The following JAKMIP3 variants were observed in gnomAD, a reference collection of about 807,000 sequenced individuals.
JAKMIP3 encodes Janus kinase and microtubule interacting protein 3.
JAKMIP3 carries 58 observed loss-of-function variants against 118.5 expected under a neutral mutation model. That is an observed-to-expected ratio of 0.49 (90% CI 0.40 to 0.61). JAKMIP3 has a LOEUF of 0.61. JAKMIP3 is among the 20% of genes least tolerant of loss of function. The pLI is 0.00. For missense variants in JAKMIP3, 950 were observed against 1,109.0 expected (o/e 0.86, Z 2.04); for synonymous variants, 486 against 451.2 (o/e 1.08, Z -0.98).
In JAKMIP3 at chr10:132,117,382, C is replaced by T. The variant is rs751886326; in HGVS notation, c.441C>T (p.Phe147=). ...SEAKEEAKKG[F]EVEKVKMQQE... is the part of the protein sequence containing the mutation. ...CCAAGGAGGAGGCCAAGAAGGGGTT[C>T]GAGGTGGAGAAGGTCAAGATGCAGC... The change falls in exon 3 of 24, where the codon TTC becomes TTT. Residue 147 remains phenylalanine (F), a synonymous_variant. Coordinates refer to ENST00000684848, the MANE Select transcript of JAKMIP3 (RefSeq NM_001323087.2). This position sits in a 1 kb window ranked among gnomAD's most constrained non-coding sequence, Gnocchi z 8.6. 15 of 1,613,796 alleles carry T rather than the reference C, an allele frequency of 9.3e-6. No individual in the cohort carries two copies. Among genetic ancestry groups the T allele is most frequent in the South Asian group, 4.4e-5 (4 of 91,080 alleles).
At position 132,135,202 on chromosome 10, in the gene JAKMIP3, C is replaced by A. The variant is rs530635793; in HGVS notation, c.969+42C>A. 1.3e-5 allele frequency: 20 copies of A among 1,564,606 alleles called. 1 individual carries two copies. In the Admixed American group the frequency reaches 2.1e-4, roughly 17 times the overall value. On this transcript the variant is annotated intron_variant, in intron 5 of 23. Transcript: ENST00000684848. ...GCTTCTGGCTCCTGGGGGTTTGTGA[C>A]TGCGGAGCTGGGGACCTGGGGGGCA...
intron 8 of JAKMIP3, 55 bp downstream of exon 8, chr10:132,137,344 G>A (rs374042659): frequency 2.3e-5 from 37 of 1,603,874 alleles, no homozygotes; most frequent in South Asian, 7.7e-5. Context: ...GCAGTTGCCC[G>A]TGGGACCCAT....
rs371410240 is a variant in JAKMIP3, at chr10:132,153,017, C to G, written c.2067C>G (p.Ala689=). The change falls in exon 17 of 24, where the codon GCC becomes GCG. Residue 689 remains alanine, a synonymous_variant. Coordinates refer to ENST00000684848, the MANE Select transcript of JAKMIP3 (RefSeq NM_001323087.2). ...VIQARTVLTL[A]EKWLQQIEET... The stretch of plus-strand genomic sequence containing the variant: ...AAGCCAGGACAGTCCTGACCTTGGC[C>G]GAAAAGGTAACAGCAGCTGTGTGGA... 73 of 1,606,988 alleles carry G rather than the reference C, an allele frequency of 4.5e-5. No homozygotes were observed. The highest frequency in any genetic ancestry group is 1.3e-4 in the Admixed American group (8 of 59,284).
At chr10:132,089,216 C>T (rs1281891562) in intron 1 of JAKMIP3, among the ~76,000 whole-genome samples, 1 of 151,908 alleles carries the variant, frequency 6.6e-6, no homozygotes, top group Non-Finnish European at 1.5e-5. Flanking sequence ...CATATGAACT[C>T]TAAAGTAGTT....
At chr10:132,060,983 C>T (rs2038375140), upstream of JAKMIP3, among the ~76,000 whole-genome samples, 1 of 152,130 alleles carries the variant, frequency 6.6e-6, no homozygotes, top group Non-Finnish European at 1.5e-5. Flanking sequence ...CAAGATCGCA[C>T]CACTGCACTC....
intron 2 of JAKMIP3, among the ~76,000 whole-genome samples, chr10:132,106,071 A>G (rs1040365693): frequency 6.6e-6 from 1 of 152,180 alleles, no homozygotes; most frequent in African/African-American, 2.4e-5. Flanking sequence ...TTGTATTAGA[A>G]CATGAGTCAT....
At chr10:132,068,194 A>ATGTGGACTGTGGGCTTCCG (rs1264161278) in intron 1 of JAKMIP3, among the ~76,000 whole-genome samples, 2,718 of 128,288 alleles carry the variant, frequency 0.021, 84 homozygotes, top group African/African-American at 0.075. Flanking sequence ...GTGGGCTTCC[A>ATGTGGACTGTGGGCTTCCG]TGTGGACTGT....
intron 1 of JAKMIP3, among the ~76,000 whole-genome samples, chr10:132,085,221 C>A (rs370883752): frequency 3.3e-5 from 5 of 152,004 alleles, no homozygotes; most frequent in East Asian, 1.9e-4. Flanking sequence ...GTTGGTAATT[C>A]TTTTATTACC....
intron 11 of JAKMIP3, 57 bp from the exon 12 acceptor site, chr10:132,145,050 T>TGC: frequency 7.0e-7 from 1 of 1,427,528 alleles, no homozygotes; most frequent in Middle Eastern, 1.7e-4. Context: ...CGAGTGTGTG[T>TGC]GCTGTCTGTC....
chr10:132,166,415 C>T (rs1264900002), intron 21 of JAKMIP3, among the ~76,000 whole-genome samples: 2 of 152,234 alleles, frequency 1.3e-5, no homozygotes, highest in Middle Eastern at 3.4e-3. Context: ...GATTTTCTCT[C>T]GTGTCCAGAT....
At chr10:132,164,759 G>T in intron 21 of JAKMIP3, 24 bp downstream of exon 21, 3 of 1,558,368 alleles carry the variant, frequency 1.9e-6, no homozygotes, top group Non-Finnish European at 1.8e-6. Flanking sequence ...AGTTTTGGGG[G>T]TTGCTTGTTA....
intron 13 of JAKMIP3, among the ~76,000 whole-genome samples, chr10:132,147,483 C>A (rs564219868): frequency 1.3e-5 from 2 of 152,202 alleles, no homozygotes; most frequent in Admixed American, 1.3e-4. Context: ...CCGTGGTACC[C>A]GCTCCTTCCA....
intron 1 of JAKMIP3, among the ~76,000 whole-genome samples, chr10:132,038,017 C>G (rs1248991571): frequency 6.6e-6 from 1 of 152,226 alleles, no homozygotes; most frequent in Non-Finnish European, 1.5e-5. Flanking sequence ...TGGCAAGAAG[C>G]AACTTATGTA....
At position 132,107,857 on chromosome 10, in the gene JAKMIP3, T is replaced by G. The variant is rs1157193507; in HGVS notation, c.135+2914T>G. Reference sequence around the variant, plus strand: ...CTTGGACTACATGCAAAAGAACTCCTGCAGGAGACGTTCTTGCAAGCCAAA... The same window carrying G: ...CTTGGACTACATGCAAAAGAACTCCGGCAGGAGACGTTCTTGCAAGCCAAA... On this transcript the variant is annotated intron_variant, in intron 2 of 23. Transcript: ENST00000684848. 2.0e-5 allele frequency among the ~76,000 whole-genome samples: 3 copies of G among 152,378 alleles called. No individual in the cohort carries two copies. The East Asian group carries it at 5.8e-4, about 29-fold the overall frequency.
chr10:132,167,894 C>T (rs76333635), intron 22 of JAKMIP3, 59 bp from the exon 23 acceptor site: 35 of 1,253,586 alleles, frequency 2.8e-5, no homozygotes, highest in Non-Finnish European at 3.7e-5. Context: ...GGCCCTCGCC[C>T]CTCACTCCAG....
At chr10:132,060,319 C>A (rs2038355819), upstream of JAKMIP3, among the ~76,000 whole-genome samples, 1 of 152,126 alleles carries the variant, frequency 6.6e-6, no homozygotes, top group Non-Finnish European at 1.5e-5. Context: ...CAGGCAGGTT[C>A]TGGTGGGCGG....
intron 1 of JAKMIP3, among the ~76,000 whole-genome samples, chr10:132,092,219 T>C (rs2043187784): frequency 6.6e-6 from 1 of 152,138 alleles, no homozygotes; most frequent in African/African-American, 2.4e-5. Context: ...TCATTTCAAC[T>C]TTGGTGAATC....
intron 23 of JAKMIP3, among the ~76,000 whole-genome samples, chr10:132,173,525 C>T (rs976684210): frequency 1.3e-5 from 2 of 152,118 alleles, no homozygotes; most frequent in Admixed American, 6.6e-5. Flanking sequence ...GTTTTCCAAA[C>T]AACTCAGGTG....
At chr10:132,091,605 T>G (rs1434365288) in intron 1 of JAKMIP3, among the ~76,000 whole-genome samples, 1 of 152,184 alleles carries the variant, frequency 6.6e-6, no homozygotes. Flanking sequence ...CCCTGCTTTT[T>G]TTGTTTTCCA....
Sources: gnomAD v4.1 joint callset for allele counts (sites outside exome capture counted in the v4.1 genomes callset) on GRCh38, gnomAD v4.1.1 for gene constraint, Gnocchi (gnomAD v3.1) non-coding constraint, MANE v1.5 for transcripts, NCBI Gene and HGNC (gene_info 2026-07-23, HGNC 2026-07-21) for gene names.